Variants in BAZ2B observed in about 807,000 individuals in gnomAD.
The protein encoded by BAZ2B is bromodomain adjacent to zinc finger domain 2B, also known as bromodomain adjacent to zinc finger domain protein 2B.
Under a neutral mutation model 246.0 loss-of-function variants are expected in BAZ2B, and 91 were observed. That is an observed-to-expected ratio of 0.37 (90% CI 0.31 to 0.44). BAZ2B has a LOEUF of 0.44. Among genes scored for constraint, BAZ2B ranks in the 20% least tolerant of loss-of-function variants. The pLI, the probability that BAZ2B is intolerant of heterozygous loss-of-function variation, is 1.00. For missense variants in BAZ2B, 2,332 were observed against 2,533.7 expected (o/e 0.92, Z 1.71); for synonymous variants, 855 against 860.0 (o/e 0.99, Z 0.10).
At chr2:159,531,061 T>C (rs1223325615) in intron 2 of BAZ2B, among the ~76,000 whole-genome samples, 2 of 152,170 alleles carry the variant, frequency 1.3e-5, no homozygotes, top group African/African-American at 4.8e-5. Context: ...AATAAAAGTC[T>C]CTGAAATTAT....
At chr2:159,378,542 C>T (rs999003121) in intron 25 of BAZ2B, among the ~76,000 whole-genome samples, 2 of 152,058 alleles carry the variant, frequency 1.3e-5, no homozygotes, top group South Asian at 4.1e-4. Flanking sequence ...AAAACATTTG[C>T]AAATCATATA....
At chr2:159,600,535 T>C (rs191974406) in intron 1 of BAZ2B, among the ~76,000 whole-genome samples, 2 of 152,328 alleles carry the variant, frequency 1.3e-5, no homozygotes, top group Admixed American at 6.5e-5. Flanking sequence ...AAAGAGCCTT[T>C]AAAATCTGAA....
At chr2:159,432,665 C>T (rs1022772428) in intron 9 of BAZ2B, 92 bp downstream of exon 9, 31 of 1,470,600 alleles carry the variant, frequency 2.1e-5, no homozygotes, top group South Asian at 1.2e-4. Context: ...TAGTAAATGA[C>T]GCTGATTTTA....
intron 27 of BAZ2B, among the ~76,000 whole-genome samples, chr2:159,351,884 G>A (rs1256153729): frequency 6.6e-6 from 1 of 152,108 alleles, no homozygotes. Context: ...TAAAGTAAAG[G>A]CCTTTCTACC....
chr2:159,392,698 G>A (rs1029301014), intron 20 of BAZ2B, among the ~76,000 whole-genome samples: 7 of 152,146 alleles, frequency 4.6e-5, no homozygotes, highest in African/African-American at 1.7e-4. Flanking sequence ...TGATATGACT[G>A]TAATAGATAC....
intron 2 of BAZ2B, among the ~76,000 whole-genome samples, chr2:159,478,953 T>C (rs912831761): frequency 5.3e-5 from 8 of 152,188 alleles, no homozygotes; most frequent in African/African-American, 1.9e-4. Context: ...CCCAAATTAA[T>C]AGTGGTTTGA....
In BAZ2B at chr2:159,545,761, C is replaced by T. The variant is rs551150612; in HGVS notation, c.-3+10062G>A. On this transcript the variant is annotated intron_variant, in intron 2 of 36. Transcript: ENST00000392783. ...GTCTAATAGGTAAAACAACTGAACA[C>T]ATAATCATCACGTAAGGATCTAAGG... Among the ~76,000 whole-genome samples, 19 of 152,228 alleles carry T rather than the reference C, an allele frequency of 1.2e-4. No individual in the cohort carries two copies. The East Asian group carries it at 3.3e-3, about 26-fold the overall frequency.
intron 5 of BAZ2B, among the ~76,000 whole-genome samples, chr2:159,447,981 C>T (rs895089826): frequency 2.0e-5 from 3 of 151,722 alleles, no homozygotes; most frequent in African/African-American, 4.8e-5. Context: ...AATTTAAACA[C>T]GTAGCTGGGC....
Position 159,446,764 on chromosome 2 carries a change from C to T in BAZ2B, c.696+18G>A. On this transcript the variant is annotated intron_variant, in intron 6 of 36. Transcript: ENST00000392783. ...TATATAGATCTGTTATATATTAGTC[C>T]TTCCAAGTACAACTTACCTTATCTT... The T allele has an allele frequency of 6.3e-7, 1 of 1,581,938 alleles. No homozygotes were observed. Among genetic ancestry groups the T allele is most frequent in the Non-Finnish European group, 8.6e-7 (1 of 1,165,580 alleles).
intron 33 of BAZ2B, among the ~76,000 whole-genome samples, chr2:159,334,279 GC>G (rs1268918141): frequency 2.0e-5 from 3 of 152,092 alleles, no homozygotes; most frequent in African/African-American, 7.2e-5. Flanking sequence ...TATAGTAATA[GC>G]TCACAATATG....
intron 27 of BAZ2B, among the ~76,000 whole-genome samples, chr2:159,357,175 C>T (rs1329321114): frequency 6.6e-6 from 1 of 152,008 alleles, no homozygotes; most frequent in East Asian, 1.9e-4. Flanking sequence ...TAACAAACTC[C>T]TCTGAGCTAA....
At chr2:159,661,544 C>T in the BAZ2B span, among the ~76,000 whole-genome samples, 3 of 152,228 alleles carry the variant, frequency 2.0e-5, no homozygotes, top group East Asian at 3.9e-4. Context: ...AGTAGTTTTA[C>T]AATTTTATAT....
chr2:159,385,477 G>T, intron 22 of BAZ2B, 108 bp from the exon 23 acceptor site: 3 of 898,972 alleles, frequency 3.3e-6, no homozygotes, highest in South Asian at 2.1e-5. Flanking sequence ...ACTGACAAGA[G>T]CTTTATTCAC....
chr2:159,654,572 T>C, the BAZ2B span, among the ~76,000 whole-genome samples: 12 of 151,952 alleles, frequency 7.9e-5, no homozygotes, highest in African/African-American at 2.9e-4. Context: ...AATATGAAAG[T>C]GAGGAAGTAT....
At position 159,361,363 on chromosome 2, in the gene BAZ2B, T is replaced by C. The variant is rs184084674; in HGVS notation, c.4214-11006A>G. ...ACATATGAAAAAAAGCTCATCATCA[T>C]GGGTCATTAGAGAAATGCAAATCAA... On this transcript the variant is annotated intron_variant, in intron 27 of 36. Transcript: ENST00000392783. 6.6e-5 allele frequency among the ~76,000 whole-genome samples: 10 copies of C among 152,274 alleles called. No individual in the cohort carries two copies. The East Asian group carries it at 1.5e-3, about 24-fold the overall frequency.
At chr2:159,326,476 A>T (rs1275487425) in intron 34 of BAZ2B, among the ~76,000 whole-genome samples, 1 of 152,224 alleles carries the variant, frequency 6.6e-6, no homozygotes, top group African/African-American at 2.4e-5. Flanking sequence ...AGAGTTCCAC[A>T]AACTTGTGGT....
intron 2 of BAZ2B, among the ~76,000 whole-genome samples, chr2:159,544,934 T>C (rs2087126174): frequency 6.6e-6 from 1 of 152,176 alleles, no homozygotes; most frequent in South Asian, 2.1e-4. Context: ...GAATAGGTAA[T>C]TCAATTTAAG....
intron 14 of BAZ2B, 114 bp downstream of exon 14, chr2:159,412,221 C>A (rs1576707404): frequency 9.1e-7 from 1 of 1,103,626 alleles, no homozygotes; most frequent in Non-Finnish European, 1.3e-6. Context: ...TCTAACACAA[C>A]TATTTACTTT....
the BAZ2B span, among the ~76,000 whole-genome samples, chr2:159,623,480 A>T: frequency 6.6e-6 from 1 of 152,248 alleles, no homozygotes; most frequent in Non-Finnish European, 1.5e-5. Context: ...GCTCATAGTA[A>T]GAGAAATGCA....
Sources: allele counts gnomAD v4.1 joint callset (sites outside exome capture counted in the v4.1 genomes callset), GRCh38; gene constraint gnomAD v4.1.1; transcripts MANE v1.5; gene names NCBI Gene and HGNC (gene_info 2026-07-23, HGNC 2026-07-21).